COP1: variants seen among roughly 807,000 people sequenced by gnomAD.
COP1 encodes the protein E3 ubiquitin-protein ligase COP1.
COP1 carries 24 observed loss-of-function variants against 101.3 expected under a neutral mutation model. That is an observed-to-expected ratio of 0.24 (90% CI 0.17 to 0.33). COP1 has a LOEUF of 0.33. COP1 is among the 10% of genes least tolerant of loss of function. The pLI, the probability that COP1 is intolerant of heterozygous loss-of-function variation, is 1.00. For missense variants in COP1, 663 were observed against 906.2 expected, an observed-to-expected ratio of 0.73 and a Z score of 3.45; for synonymous variants, 347 against 341.9, an observed-to-expected ratio of 1.01 and a Z score of -0.17.
At chr1:176,018,126 A>G (rs1161161418) in intron 15 of COP1, among the ~76,000 whole-genome samples, 2 of 152,216 alleles carry the variant, frequency 1.3e-5, no homozygotes, top group African/African-American at 4.8e-5. Flanking sequence ...AAAACCTTAA[A>G]GATGCACTAA....
intron 14 of COP1, among the ~76,000 whole-genome samples, chr1:176,037,097 C>T (rs574823674): frequency 1.6e-4 from 24 of 152,108 alleles, no homozygotes; most frequent in African/African-American, 5.5e-4. Context: ...CAAATTCTAC[C>T]AAACATTTAA....
At chr1:176,019,373 G>C (rs1025449304) in intron 15 of COP1, among the ~76,000 whole-genome samples, 10 of 151,242 alleles carry the variant, frequency 6.6e-5, no homozygotes, top group African/African-American at 2.4e-4. Flanking sequence ...TGAGGCAGGA[G>C]AATCACTTGA....
intron 15 of COP1, among the ~76,000 whole-genome samples, chr1:176,007,628 T>G (rs576359508): frequency 1.2e-4 from 18 of 151,872 alleles, no homozygotes; most frequent in African/African-American, 4.3e-4. Context: ...GTGCCCCTGC[T>G]GGGGGGTGTC....
intron 14 of COP1, among the ~76,000 whole-genome samples, chr1:176,039,566 A>C (rs988477059): frequency 7.9e-6 from 1 of 126,970 alleles, no homozygotes; most frequent in Admixed American, 8.8e-5. Flanking sequence ...CAAAACCTCA[A>C]AGAATGTTTT....
intron 15 of COP1, among the ~76,000 whole-genome samples, chr1:176,005,535 G>T (rs1242474105): frequency 1.3e-5 from 2 of 152,268 alleles, no homozygotes; most frequent in South Asian, 4.1e-4. Context: ...GTGTCCCAGA[G>T]ATTCTGGTAT....
chr1:176,182,783 T>C (rs917540751), intron 2 of COP1, among the ~76,000 whole-genome samples: 1 of 152,178 alleles, frequency 6.6e-6, no homozygotes, highest in African/African-American at 2.4e-5. Context: ...GACCCACATG[T>C]CCAGAATGTC....
In COP1 at chr1:176,150,605, A is replaced by G. The variant is rs1355649735; in HGVS notation, c.763-1531T>C. Among the ~76,000 whole-genome samples the G allele has an allele frequency of 2.0e-5, 3 of 152,232 alleles. No homozygotes were observed. In the East Asian group the frequency reaches 5.8e-4, roughly 29 times the overall value. On this transcript the variant is annotated intron_variant, in intron 5 of 19. Coordinates refer to ENST00000367669, the MANE Select transcript of COP1 (RefSeq NM_022457.7). ...TATTTGTCTAGAGGACAAAGACCAC[A>G]TGTTTATTTAAAAAGTAACAACTTT...
intron 9 of COP1, among the ~76,000 whole-genome samples, chr1:176,109,250 A>T: frequency 6.6e-6 from 1 of 151,924 alleles, no homozygotes; most frequent in African/African-American, 2.4e-5. Context: ...TGTAGGGTAG[A>T]CTTCTTTCTT....
rs1349479727 is a variant in COP1, at chr1:176,206,813, C to A, written c.166G>T (p.Ala56Ser). 8.7e-6 allele frequency: 12 copies of A among 1,380,076 alleles called. No homozygotes were observed. Among genetic ancestry groups the A allele is most frequent in the African/African-American group, 1.5e-5 (1 of 65,454 alleles). The allele number at this position is 1,380,076 out of a possible 1,614,324, so 85.5% of individuals were successfully genotyped here. The stretch of plus-strand genomic sequence containing the variant: ...GGGCCCCCGAGGCCGCCCGAGCCGG[C>A]GGCCTGGGCCACCCCGCCGGACACC... ...ALVSGGVAQA[A>S]GSGGLGGPVR... The change falls in exon 1 of 20, where the codon GCC becomes TCC. Residue 56 changes from alanine (A) to serine (S), a missense_variant. Ala to Ser is a moderately conservative substitution (Grantham distance 99). Transcript: ENST00000367669.
chr1:176,089,177 C>T (rs1558084896), intron 9 of COP1, among the ~76,000 whole-genome samples: 1 of 151,808 alleles, frequency 6.6e-6, no homozygotes. Context: ...GGCAGGACCC[C>T]AGCTACTTGG....
chr1:176,060,953 C>T (rs761071565), intron 11 of COP1, among the ~76,000 whole-genome samples: 1 of 152,080 alleles, frequency 6.6e-6, no homozygotes, highest in Non-Finnish European at 1.5e-5. Flanking sequence ...AAAAGAAGAG[C>T]TCCTGTTCTA....
At chr1:175,988,575 G>C (rs768008297) in intron 16 of COP1, 163 bp from the exon 17 acceptor site, 9 of 582,208 alleles carry the variant, frequency 1.5e-5, no homozygotes, top group Middle Eastern at 3.2e-4. Flanking sequence ...GCTCACGCTT[G>C]TATTCCAAGC....
chr1:176,141,425 C>G (rs371221614), intron 6 of COP1, among the ~76,000 whole-genome samples: 1 of 152,030 alleles, frequency 6.6e-6, no homozygotes, highest in African/African-American at 2.4e-5. Context: ...CTCTTGAACC[C>G]GGGAGGTGCA....
At chr1:176,040,492 A>G (rs558266602) in intron 14 of COP1, among the ~76,000 whole-genome samples, 1 of 152,074 alleles carries the variant, frequency 6.6e-6, no homozygotes, top group Non-Finnish European at 1.5e-5. Flanking sequence ...AATTTTTAAA[A>G]TTTTTTGTAG....
chr1:176,003,807 T>C (rs1168007917), intron 15 of COP1, among the ~76,000 whole-genome samples: 1 of 151,640 alleles, frequency 6.6e-6, no homozygotes, highest in South Asian at 2.1e-4. Context: ...TTTGTTCTTT[T>C]GGCTTAGGAT....
At chr1:176,200,546 G>T (rs774842938) in intron 1 of COP1, among the ~76,000 whole-genome samples, 1 of 152,162 alleles carries the variant, frequency 6.6e-6, no homozygotes, top group Non-Finnish European at 1.5e-5. Flanking sequence ...AAGAAGGATG[G>T]ATTCCCAATG....
chr1:176,086,478 G>A (rs1020557195), intron 9 of COP1, among the ~76,000 whole-genome samples: 12 of 151,902 alleles, frequency 7.9e-5, no homozygotes, highest in Non-Finnish European at 1.5e-4. Context: ...CACCCGCCTC[G>A]GCCTCCCAAA....
At chr1:176,116,310 G>A (rs932757338) in intron 9 of COP1, among the ~76,000 whole-genome samples, 5 of 152,088 alleles carry the variant, frequency 3.3e-5, no homozygotes, top group African/African-American at 1.2e-4. Context: ...GAGCCTAGGA[G>A]GTCAAGGCTA....
At chr1:175,968,350 T>G (rs768361493) in intron 18 of COP1, 2 of 471,674 alleles carry the variant, frequency 4.2e-6, no homozygotes, top group South Asian at 1.6e-5. Flanking sequence ...CAGCAGATAC[T>G]GAATAAAATG....
Sources: gnomAD v4.1 joint callset for allele counts (sites outside exome capture counted in the v4.1 genomes callset) on GRCh38, gnomAD v4.1.1 for gene constraint, MANE v1.5 for transcripts, NCBI Gene and HGNC (gene_info 2026-07-23, HGNC 2026-07-21) for gene names.